The following PPFIBP1 variants were observed in gnomAD, a reference collection of about 807,000 sequenced individuals.
The protein encoded by PPFIBP1 is liprin-beta-1.
A neutral mutation model predicts 137.8 loss-of-function variants in PPFIBP1; 112 were observed. The ratio of observed to expected loss-of-function variants is 0.81; its 90% CI spans 0.70 to 0.95. The LOEUF is 0.95. Among genes scored for constraint, PPFIBP1 ranks in the 40% least tolerant of loss-of-function variants. The probability of loss-of-function intolerance (pLI) is 0.00; values close to 1 mark genes in which losing one functional copy is unlikely to be tolerated. For missense variants in PPFIBP1, 1,083 were observed against 1,196.6 expected, an observed-to-expected ratio of 0.91 and a Z score of 1.40; for synonymous variants, 378 against 417.3, an observed-to-expected ratio of 0.91 and a Z score of 1.15.
intron 2 of PPFIBP1, among the ~76,000 whole-genome samples, chr12:27,602,019 G>A (rs1389079179): frequency 6.6e-6 from 1 of 152,186 alleles, no homozygotes; most frequent in Non-Finnish European, 1.5e-5. Context: ...TATTAGTCAG[G>A]TGAACAAAAT....
At chr12:27,685,089 A>T (rs2061115523) in intron 24 of PPFIBP1, among the ~76,000 whole-genome samples, 1 of 151,998 alleles carries the variant, frequency 6.6e-6, no homozygotes, top group Non-Finnish European at 1.5e-5. Flanking sequence ...ACTCTTTTAT[A>T]GCCATTTCAC....
At chr12:27,632,172 A>G (rs1261502607) in intron 2 of PPFIBP1, among the ~76,000 whole-genome samples, 3 of 152,186 alleles carry the variant, frequency 2.0e-5, no homozygotes, top group African/African-American at 7.2e-5. Flanking sequence ...TCAAAATAAT[A>G]TTTTACAACA....
At chr12:27,596,299 G>A (rs1465520614) in intron 2 of PPFIBP1, among the ~76,000 whole-genome samples, 1 of 152,080 alleles carries the variant, frequency 6.6e-6, no homozygotes, top group East Asian at 1.9e-4. Context: ...AAATTCGTTT[G>A]TTCTGTTAAA....
intron 17 of PPFIBP1, among the ~76,000 whole-genome samples, chr12:27,674,978 GTT>G (rs67715002): frequency 0.67 from 96,752 of 144,772 alleles, 31,939 homozygotes; most frequent in East Asian, 0.7. Context: ...ATACTCGGCT[GTT>G]TTTTTTTTTC....
chr12:27,585,722 A>AC (rs1396835932), intron 2 of PPFIBP1, among the ~76,000 whole-genome samples: 2 of 152,144 alleles, frequency 1.3e-5, no homozygotes, highest in African/African-American at 2.4e-5. Context: ...GTTAATTCCA[A>AC]CCTGCTCTGT....
chr12:27,585,741 G>A (rs2051667355), intron 2 of PPFIBP1, among the ~76,000 whole-genome samples: 1 of 152,172 alleles, frequency 6.6e-6, no homozygotes, highest in Non-Finnish European at 1.5e-5. Context: ...GTTCTACGGA[G>A]GAGCTTCAAT....
chr12:27,631,378 T>A (rs1423919775), intron 2 of PPFIBP1, among the ~76,000 whole-genome samples: 2 of 152,190 alleles, frequency 1.3e-5, no homozygotes, highest in Non-Finnish European at 2.9e-5. Flanking sequence ...CCTGTTTAAT[T>A]TGCAAAGCCT....
chr12:27,527,159 A>G (rs750171081), intron 1 of PPFIBP1, among the ~76,000 whole-genome samples: 1 of 152,230 alleles, frequency 6.6e-6, no homozygotes, highest in Non-Finnish European at 1.5e-5. Flanking sequence ...AATTTGTTAC[A>G]TTAAAATTAA....
At chr12:27,561,972 C>T (rs2049204748) in intron 1 of PPFIBP1, among the ~76,000 whole-genome samples, 1 of 152,006 alleles carries the variant, frequency 6.6e-6, no homozygotes, top group Non-Finnish European at 1.5e-5. Flanking sequence ...TTCACTTGAG[C>T]CCAGGAGTTG....
chr12:27,570,128 T>C (rs990381715), intron 1 of PPFIBP1, among the ~76,000 whole-genome samples: 2 of 152,216 alleles, frequency 1.3e-5, no homozygotes, highest in Non-Finnish European at 2.9e-5. Flanking sequence ...AATATGCATT[T>C]TTGGTTACCA....
At chr12:27,545,853 G>A (rs947295227) in intron 1 of PPFIBP1, among the ~76,000 whole-genome samples, 1 of 152,182 alleles carries the variant, frequency 6.6e-6, no homozygotes, top group African/African-American at 2.4e-5. Context: ...CCAACCGGCC[G>A]CCTCTCAGTG....
intron 13 of PPFIBP1, among the ~76,000 whole-genome samples, chr12:27,670,217 T>C (rs1438046033): frequency 1.3e-5 from 2 of 152,232 alleles, no homozygotes; most frequent in Admixed American, 6.5e-5. Flanking sequence ...AACTGAAGTA[T>C]TAAAATTATT....
intron 1 of PPFIBP1, among the ~76,000 whole-genome samples, chr12:27,561,847 A>G (rs907519094): frequency 6.6e-6 from 1 of 152,124 alleles, no homozygotes; most frequent in Non-Finnish European, 1.5e-5. Context: ...CAACAACACC[A>G]GGCTGGGCAA....
chr12:27,644,040 C>T (rs1474084659), intron 4 of PPFIBP1, among the ~76,000 whole-genome samples: 2 of 151,586 alleles, frequency 1.3e-5, no homozygotes, highest in Non-Finnish European at 2.9e-5. Flanking sequence ...TTGCTCTCAT[C>T]TTGCTATAAT....
chr12:27,597,166 T>A (rs2053413864), intron 2 of PPFIBP1, among the ~76,000 whole-genome samples: 1 of 152,136 alleles, frequency 6.6e-6, no homozygotes, highest in Non-Finnish European at 1.5e-5. Flanking sequence ...TATTTATTTA[T>A]TATTTATTTA....
intron 11 of PPFIBP1, among the ~76,000 whole-genome samples, chr12:27,661,991 T>G (rs2059583043): frequency 6.6e-6 from 1 of 152,216 alleles, no homozygotes; most frequent in South Asian, 2.1e-4. Flanking sequence ...TTCATTTTGT[T>G]TTCATTTCTG....
intron 22 of PPFIBP1, 67 bp downstream of exon 22, chr12:27,681,763 T>C (rs910668670): frequency 2.6e-6 from 4 of 1,567,814 alleles, no homozygotes; most frequent in Non-Finnish European, 3.5e-6. Context: ...TGTAGGGTTG[T>C]TTTATAGTCC....
intron 2 of PPFIBP1, among the ~76,000 whole-genome samples, chr12:27,622,469 G>T (rs1216637439): frequency 2.6e-5 from 4 of 152,176 alleles, no homozygotes; most frequent in African/African-American, 9.7e-5. Flanking sequence ...ACTTACAGTA[G>T]ACCGGTAACA....
chr12:27,643,555 G>A (rs2058261872), intron 4 of PPFIBP1, among the ~76,000 whole-genome samples: 1 of 127,122 alleles, frequency 7.9e-6, no homozygotes. Flanking sequence ...GAAGAAGAAA[G>A]GGTGGGAAAA....
Sources: allele counts gnomAD v4.1 joint callset (sites outside exome capture counted in the v4.1 genomes callset), GRCh38; gene constraint gnomAD v4.1.1; transcripts MANE v1.5; gene names NCBI Gene and HGNC (gene_info 2026-07-23, HGNC 2026-07-21).